BSCL2: variants seen among roughly 807,000 people sequenced by gnomAD.
The protein encoded by BSCL2 is BSCL2 lipid droplet biogenesis associated, seipin, also known as seipin.
In BSCL2, 41 loss-of-function variants were observed where a neutral mutation model predicts 57.4. That is an observed-to-expected ratio of 0.71 (90% CI 0.56 to 0.93). BSCL2 has a LOEUF of 0.93. BSCL2 is among the 40% of genes least tolerant of loss of function. The pLI, the probability that BSCL2 is intolerant of heterozygous loss-of-function variation, is 0.00. For synonymous variants in BSCL2, 237 were observed against 227.3 expected (o/e 1.04, Z -0.38); for missense variants, 539 against 586.7 (o/e 0.92, Z 0.84).
intron 3 of BSCL2, among the ~76,000 whole-genome samples, chr11:62,696,920 C>T (rs1024998262): frequency 2.0e-5 from 3 of 151,912 alleles, no homozygotes; most frequent in Non-Finnish European, 2.9e-5. Flanking sequence ...TGCCTGCAGT[C>T]CCAGCTGCTG....
In BSCL2 at chr11:62,705,465, C is replaced by T; in HGVS notation, c.240G>A (p.Val80=). 6.2e-7 allele frequency: 1 copy of T among 1,614,186 alleles called. No homozygotes were observed. The highest frequency in any genetic ancestry group is 8.5e-7 in the Non-Finnish European group (1 of 1,180,032). ...GGGCACGGCCTGCCAAGACTTGGCCCACCTCCTGGGCCCACAGTAAGGCAG... is the reference window on the plus strand; with the variant it reads ...GGGCACGGCCTGCCAAGACTTGGCCTACCTCCTGGGCCCACAGTAAGGCAG... The part of the protein sequence containing the change: ...PVPALLWAQE[V]GQVLAGRARR... The change falls in exon 2 of 11, where the codon GTG becomes GTA. Residue 80 remains valine (V), a synonymous_variant. Transcript: ENST00000360796.
At chr11:62,694,229 G>A (rs1205744750) in intron 4 of BSCL2, among the ~76,000 whole-genome samples, 2 of 126,790 alleles carry the variant, frequency 1.6e-5, no homozygotes, top group African/African-American at 3.1e-5. Flanking sequence ...TTTTTGAGAC[G>A]GTCTTGCTCT....
At chr11:62,709,147 C>G (rs1037125750), upstream of BSCL2, 2 of 475,050 alleles carry the variant, frequency 4.2e-6, no homozygotes, top group African/African-American at 3.9e-5. Context: ...TCAGTCTCAC[C>G]TGGAGCTACT....
At chr11:62,707,968 T>G (rs1590888267), upstream of BSCL2, 1 of 358,918 alleles carries the variant, frequency 2.8e-6, no homozygotes, top group Non-Finnish European at 5.3e-6. Context: ...CAGACAGGGG[T>G]GATGTGCCCT....
rs754629431 is a variant in BSCL2, at chr11:62,692,465, C to T, written c.774G>A (p.Pro258=). ...YADYRENSYV[P]TTGAIIEIHS... is the part of the protein sequence containing the mutation. ...GGATCTCAATGATCGCTCCAGTGGT[C>T]GGCACGTACTGTGAGGGGGTGGGGT... The change falls in exon 6 of 11, where the codon CCG becomes CCA. Residue 258 remains proline (P), a synonymous_variant. Transcript: ENST00000360796. The T allele has an allele frequency of 6.2e-6, 10 of 1,613,714 alleles. No homozygotes were observed. The highest frequency in any genetic ancestry group is 1.3e-5 in the African/African-American group (1 of 74,918).
At chr11:62,699,293 G>A (rs1590878197) in intron 3 of BSCL2, among the ~76,000 whole-genome samples, 1 of 151,986 alleles carries the variant, frequency 6.6e-6, no homozygotes, top group Non-Finnish European at 1.5e-5. Context: ...CGCCTCCCAG[G>A]TTCACACCTT....
upstream of BSCL2, chr11:62,707,525 G>C: frequency 1.6e-6 from 1 of 615,156 alleles, no homozygotes; most frequent in Non-Finnish European, 2.9e-6. Flanking sequence ...CCTCAGCTCT[G>C]TTGGGGAGGT....
At chr11:62,705,710 TAGC>T (rs1186435302) in intron 1 of BSCL2, 93 bp from the exon 2 acceptor site, 1 of 1,197,988 alleles carries the variant, frequency 8.3e-7, no homozygotes, top group East Asian at 2.6e-5. Context: ...GAACGAGAGA[TAGC>T]AGGATAGCAA....
chr11:62,690,299 G>A lies in BSCL2; in HGVS notation c.*68C>T, dbSNP rs1945270529. ...AGAAGCTGACACAAAATAGTTTATT[G>A]AAGGAAAAACGAGGGGAGAGGAGTC... On this transcript the variant is annotated 3_prime_UTR_variant, in exon 11 of 11. Transcript: ENST00000360796. 1 of 1,607,002 alleles carries A rather than the reference G, an allele frequency of 6.2e-7. No homozygotes were observed. The highest frequency in any genetic ancestry group is 2.2e-5 in the East Asian group (1 of 44,880).
In BSCL2 at chr11:62,705,505, T is replaced by C. The variant is rs907887190; in HGVS notation, c.200A>G (p.Asn67Ser). The change falls in exon 2 of 11, where the codon AAC (asparagine) becomes AGC (serine). Residue 67 changes from asparagine to serine, a missense_variant. By Grantham distance (46) the Asn-to-Ser change is conservative. Transcript: ENST00000360796. ...ARHPALPAMV[N>S]DPPVPALLWA... The stretch of plus-strand genomic sequence containing the variant: ...CAGTAAGGCAGGTACTGGAGGGTCG[T>C]TGACCATGGCCGGGAGAGCAGGGTG... 12 of 1,614,096 alleles carry C rather than the reference T, an allele frequency of 7.4e-6. No homozygotes were observed. Among genetic ancestry groups the C allele is most frequent in the South Asian group, 2.2e-5 (2 of 91,082 alleles).
chr11:62,701,865 G>A (rs1416145372), intron 3 of BSCL2, among the ~76,000 whole-genome samples: 7 of 151,050 alleles, frequency 4.6e-5, no homozygotes, highest in African/African-American at 1.7e-4. Context: ...GTGAAAAACA[G>A]AATGGTTGTA....
At position 62,701,843 on chromosome 11, in the gene BSCL2, AAAAG is replaced by A. The variant is rs1294282265; in HGVS notation, c.486+621_486+624del. ...GAGACTGTCTGGAAAAAAAAAAAAAAAAAGAAAGAGAGTGAAAAACAGAATGGTT... is the reference window on the plus strand; with the variant it reads ...GAGACTGTCTGGAAAAAAAAAAAAAAAAAGAGAGTGAAAAACAGAATGGTT... On this transcript the variant is annotated intron_variant, in intron 3 of 10. Coordinates refer to ENST00000360796, the MANE Select transcript of BSCL2 (RefSeq NM_001122955.4). Among the ~76,000 whole-genome samples the A allele has an allele frequency of 8.6e-5, 13 of 151,858 alleles. No homozygotes were observed. In the East Asian group the frequency reaches 9.7e-4, roughly 11 times the overall value.
At chr11:62,696,106 G>A (rs1030153136) in intron 3 of BSCL2, among the ~76,000 whole-genome samples, 5 of 152,290 alleles carry the variant, frequency 3.3e-5, no homozygotes, top group African/African-American at 1.2e-4. Context: ...GAGAGGCGGA[G>A]GTTGCAGTGA....
At chr11:62,696,278 T>TTGTGTGTG (rs1197051764) in intron 3 of BSCL2, among the ~76,000 whole-genome samples, 9,926 of 136,160 alleles carry the variant, frequency 0.073, 426 homozygotes, top group Admixed American at 0.099. Flanking sequence ...CATAAACTTT[T>TTGTGTGTG]TGTGTGTGTG....
rs1057524897 is a variant in BSCL2 at position 62,705,506 on chromosome 11, T to G, written c.199A>C (p.Asn67His). ...AGTAAGGCAGGTACTGGAGGGTCGTTGACCATGGCCGGGAGAGCAGGGTGT... is the reference window on the plus strand; with the variant it reads ...AGTAAGGCAGGTACTGGAGGGTCGTGGACCATGGCCGGGAGAGCAGGGTGT... ...ARHPALPAMV[N>H]DPPVPALLWA... Residue 67 changes from asparagine to histidine, a missense_variant, in exon 2 of 11, where the codon AAC (asparagine) becomes CAC (histidine). Asn to His is a moderately conservative substitution (Grantham distance 68). Around this residue, in one of 3 missense-constraint regions of BSCL2, gnomAD observed 218 missense variants for 224.8 expected, o/e 0.97. Transcript: ENST00000360796. 1.2e-6 allele frequency: 2 copies of G among 1,613,958 alleles called. No individual in the cohort carries two copies. The highest frequency in any genetic ancestry group is 2.7e-5 in the African/African-American group (2 of 74,930).
Position 62,707,196 on chromosome 11 carries a change from C to T in BSCL2, c.-1G>A. On this transcript the variant is annotated 5_prime_UTR_variant, in exon 1 of 11. Coordinates refer to ENST00000360796, the MANE Select transcript of BSCL2 (RefSeq NM_001122955.4). ...TTTGGTCTACCTTTTCTGTAGACATCTTCCTGACGAGCCTCTGTTGACTCT... is the reference window on the plus strand; with the variant it reads ...TTTGGTCTACCTTTTCTGTAGACATTTTCCTGACGAGCCTCTGTTGACTCT... 3.9e-6 allele frequency: 6 copies of T among 1,552,344 alleles called. No individual in the cohort carries two copies. Among genetic ancestry groups the T allele is most frequent in the Non-Finnish European group, 5.2e-6 (6 of 1,147,108 alleles).
In BSCL2 at chr11:62,702,492, C is replaced by G; in HGVS notation, c.462G>C (p.Ser154=). Residue 154 remains serine (S), a synonymous_variant, in exon 3 of 11, where the codon TCG becomes TCC. Transcript: ENST00000360796. ...CCCGATCACGTCCACCCTTAGTCAG[C>G]GAGACATTGGCAACAGGGAAGGAGC... The part of the protein sequence containing the change: ...SLCSFPVANV[S]LTKGGRDRVL... 3.1e-6 allele frequency: 5 copies of G among 1,612,748 alleles called. No homozygotes were observed. The highest frequency in any genetic ancestry group is 4.2e-6 in the Non-Finnish European group (5 of 1,179,092).
In BSCL2 at chr11:62,690,427, CAG is replaced by C; in HGVS notation, c.1327_1328del (p.Leu443GlyfsTer4). On this transcript the variant is annotated frameshift_variant, in exon 11 of 11. Coordinates refer to ENST00000360796, the MANE Select transcript of BSCL2 (RefSeq NM_001122955.4). LOFTEE classifies it high-confidence loss of function. ...ASASAPVLET[L>X]GSSEPAGGAL... ...CACCCCCAGCAGGTTCAGAGCTGCCCAGAGTCTCTAGGACAGGGGCAGAAGCA... is the reference window on the plus strand; with the variant it reads ...CACCCCCAGCAGGTTCAGAGCTGCCCAGTCTCTAGGACAGGGGCAGAAGCA... 6.2e-7 allele frequency: 1 copy of C among 1,614,146 alleles called. No individual in the cohort carries two copies. The highest frequency in any genetic ancestry group is 1.1e-5 in the South Asian group (1 of 91,078).
intron 3 of BSCL2, among the ~76,000 whole-genome samples, chr11:62,702,193 A>G (rs1945662772): frequency 6.6e-6 from 1 of 151,774 alleles, no homozygotes; most frequent in African/African-American, 2.4e-5. Context: ...CAGCCTCCCA[A>G]GTAGCTGGGA....
Sources: allele counts gnomAD v4.1 joint callset (sites outside exome capture counted in the v4.1 genomes callset), GRCh38; gene constraint gnomAD v4.1.1; regional missense constraint gnomAD v4.1.1; transcripts MANE v1.5; gene names NCBI Gene and HGNC (gene_info 2026-07-23, HGNC 2026-07-21).